PRKCE: variants seen among roughly 807,000 people sequenced by gnomAD.
PRKCE encodes protein kinase C epsilon, also known as protein kinase C epsilon type.
A neutral mutation model predicts 85.4 loss-of-function variants in PRKCE; 16 were observed. The observed-to-expected ratio is 0.19, with a 90% CI of 0.13 to 0.28. The LOEUF (loss-of-function observed/expected upper bound fraction) is 0.28. Ranked by LOEUF, PRKCE falls within the 10% of genes least tolerant of loss-of-function variation. The pLI, the probability that PRKCE is intolerant of heterozygous loss-of-function variation, is 1.00. For synonymous variants in PRKCE, 388 were observed against 371.5 expected (o/e 1.04, Z -0.51); for missense variants, 573 against 975.2 (o/e 0.59, Z 5.49).
chr2:45,705,139 C>T (rs1932240452), intron 1 of PRKCE, among the ~76,000 whole-genome samples: 1 of 152,220 alleles, frequency 6.6e-6, no homozygotes, highest in South Asian at 2.1e-4. Flanking sequence ...ATTCCTTATT[C>T]AGTATCACTT....
intron 1 of PRKCE, among the ~76,000 whole-genome samples, chr2:45,782,520 G>A (rs967086529): frequency 2.0e-5 from 3 of 152,150 alleles, no homozygotes; most frequent in Non-Finnish European, 2.9e-5. Context: ...ATAAATGGTT[G>A]CTATTGTTCC....
At chr2:45,852,675 G>A (rs1385095909) in intron 2 of PRKCE, among the ~76,000 whole-genome samples, 2 of 152,212 alleles carry the variant, frequency 1.3e-5, no homozygotes, top group Non-Finnish European at 2.9e-5. Context: ...TCAAAACCAA[G>A]AGAGGTTTGC....
chr2:46,073,049 G>A (rs987460734), intron 10 of PRKCE, among the ~76,000 whole-genome samples: 4 of 152,180 alleles, frequency 2.6e-5, no homozygotes, highest in African/African-American at 9.7e-5. Context: ...TCTGATAGAG[G>A]GGCCTGGAAA....
At chr2:46,010,890 GA>G in intron 10 of PRKCE, 1 of 1,484,496 alleles carries the variant, frequency 6.7e-7, no homozygotes, top group Non-Finnish European at 8.9e-7. Context: ...CATGTCATAT[GA>G]AAAAGAGTAA....
chr2:46,066,362 T>C (rs900510893), intron 10 of PRKCE, among the ~76,000 whole-genome samples: 11 of 152,170 alleles, frequency 7.2e-5, no homozygotes, highest in African/African-American at 2.7e-4. Flanking sequence ...TCACTTTCTT[T>C]CCTTCCTTTC....
At chr2:45,724,580 C>A (rs1309745448) in intron 1 of PRKCE, among the ~76,000 whole-genome samples, 1 of 152,208 alleles carries the variant, frequency 6.6e-6, no homozygotes, top group African/African-American at 2.4e-5. Flanking sequence ...AGGCCTCTTG[C>A]ACCAGACGGC....
intron 11 of PRKCE, among the ~76,000 whole-genome samples, chr2:46,108,888 C>G (rs778074633): frequency 1.3e-5 from 2 of 151,360 alleles, no homozygotes; most frequent in African/African-American, 2.4e-5. Context: ...GGTGTAAAGT[C>G]TATGTCTAGG....
chr2:45,701,180 A>T (rs1447773600), intron 1 of PRKCE, among the ~76,000 whole-genome samples: 1 of 152,262 alleles, frequency 6.6e-6, no homozygotes, highest in East Asian at 1.9e-4. Context: ...GGCCAGGAAC[A>T]TAATAGGTGC....
At position 45,905,605 on chromosome 2, in the gene PRKCE, T is replaced by C. The variant is rs1696911185; in HGVS notation, c.412+62542T>C. 6.6e-6 allele frequency among the ~76,000 whole-genome samples: 1 copy of C among 152,234 alleles called. No individual in the cohort carries two copies. Among genetic ancestry groups the C allele is most frequent in the Non-Finnish European group, 1.5e-5 (1 of 68,032 alleles). ...GGCTTTCACCGGGCTCTGTGTATCC[T>C]GGCCCTGCAAGTCCTTTCTAAGGGG... is the stretch of plus-strand genomic sequence containing the variant. On this transcript the variant is annotated intron_variant, in intron 2 of 14. Coordinates refer to ENST00000306156, the MANE Select transcript of PRKCE (RefSeq NM_005400.3). The surrounding 1 kb of genome is among the most constrained non-coding windows in gnomAD (Gnocchi z 4.4).
At chr2:45,799,778 G>T (rs1318059010) in intron 1 of PRKCE, among the ~76,000 whole-genome samples, 2 of 152,172 alleles carry the variant, frequency 1.3e-5, no homozygotes, top group Non-Finnish European at 2.9e-5. Context: ...ACAAGGAGAA[G>T]ATTCCATTTC....
intron 11 of PRKCE, among the ~76,000 whole-genome samples, chr2:46,093,204 G>A (rs965106735): frequency 6.6e-6 from 1 of 152,188 alleles, no homozygotes; most frequent in Non-Finnish European, 1.5e-5. Flanking sequence ...CAGAAATGAT[G>A]AGTTAAATCA....
chr2:45,892,373 G>GA (rs1343583572), intron 2 of PRKCE, among the ~76,000 whole-genome samples: 2 of 151,494 alleles, frequency 1.3e-5, no homozygotes, highest in Non-Finnish European at 2.9e-5. Context: ...TGGATGAACG[G>GA]GGCTCACTAG....
At chr2:45,972,020 G>A (rs966598905) in intron 2 of PRKCE, among the ~76,000 whole-genome samples, 7 of 152,180 alleles carry the variant, frequency 4.6e-5, no homozygotes, top group African/African-American at 1.7e-4. Context: ...TCTATTTTTC[G>A]TTTCTTAAGA....
At chr2:46,106,357 A>G (rs996469920) in intron 11 of PRKCE, among the ~76,000 whole-genome samples, 1 of 152,116 alleles carries the variant, frequency 6.6e-6, no homozygotes, top group Non-Finnish European at 1.5e-5. Context: ...CCTGCCACCC[A>G]TTTACTTAAG....
chr2:45,946,721 G>A (rs1427584380), intron 2 of PRKCE, among the ~76,000 whole-genome samples: 2 of 152,188 alleles, frequency 1.3e-5, no homozygotes, highest in Non-Finnish European at 2.9e-5. Flanking sequence ...GACATGCTGG[G>A]TTAATAGCTC....
intron 10 of PRKCE, among the ~76,000 whole-genome samples, chr2:46,069,890 G>A (rs1439936116): frequency 6.6e-6 from 1 of 152,154 alleles, no homozygotes; most frequent in Non-Finnish European, 1.5e-5. Flanking sequence ...TCCTAAGCTG[G>A]GAAGAATGGA....
At chr2:46,015,427 C>G (rs1706040923) in intron 10 of PRKCE, among the ~76,000 whole-genome samples, 1 of 152,086 alleles carries the variant, frequency 6.6e-6, no homozygotes, top group East Asian at 1.9e-4. Flanking sequence ...GCATTTCCTG[C>G]CAGGCCTGGG....
chr2:45,696,641 G>C (rs1046271284), intron 1 of PRKCE, among the ~76,000 whole-genome samples: 1 of 152,142 alleles, frequency 6.6e-6, no homozygotes, highest in East Asian at 1.9e-4. Context: ...AATGCATGAC[G>C]AGTAGCTTTG....
intron 2 of PRKCE, among the ~76,000 whole-genome samples, chr2:45,952,990 A>C (rs747559462): frequency 3.3e-5 from 5 of 152,224 alleles, no homozygotes; most frequent in Non-Finnish European, 7.3e-5. Context: ...ATGGACAGGG[A>C]GGTCAAGCCC....
Sources: gnomAD v4.1 joint callset for allele counts (sites outside exome capture counted in the v4.1 genomes callset) on GRCh38, gnomAD v4.1.1 for gene constraint, Gnocchi (gnomAD v3.1) non-coding constraint, MANE v1.5 for transcripts, NCBI Gene and HGNC (gene_info 2026-07-23, HGNC 2026-07-21) for gene names.